VPS8: variants seen among roughly 807,000 people sequenced by gnomAD.
The protein encoded by VPS8 is VPS8 subunit of CORVET complex, also known as vacuolar protein sorting-associated protein 8 homolog.
Under a neutral mutation model 216.4 loss-of-function variants are expected in VPS8, and 129 were observed. The observed-to-expected ratio is 0.60, with a 90% CI of 0.52 to 0.69. The LOEUF (loss-of-function observed/expected upper bound fraction) is 0.69. Ranked by LOEUF, VPS8 falls within the 30% of genes least tolerant of loss-of-function variation. The probability of loss-of-function intolerance (pLI) is 0.00; values close to 1 mark genes in which losing one functional copy is unlikely to be tolerated. For synonymous variants in VPS8, 571 were observed against 565.4 expected (o/e 1.01, Z -0.14); for missense variants, 1,531 against 1,683.5 (o/e 0.91, Z 1.59).
At chr3:184,896,317 A>G (rs939262724) in intron 23 of VPS8, among the ~76,000 whole-genome samples, 5 of 152,148 alleles carry the variant, frequency 3.3e-5, no homozygotes, top group Admixed American at 6.5e-5. Flanking sequence ...ATAATACTTT[A>G]TAACATTTTC....
chr3:184,900,810 G>T, intron 24 of VPS8, 111 bp from the exon 25 acceptor site: 1 of 891,734 alleles, frequency 1.1e-6, no homozygotes, highest in South Asian at 1.8e-5. Context: ...TAATCTTAAT[G>T]GTAAATGACT....
chr3:184,983,636 C>T (rs1238974918), intron 42 of VPS8, among the ~76,000 whole-genome samples: 3 of 152,068 alleles, frequency 2.0e-5, no homozygotes, highest in African/African-American at 7.2e-5. Context: ...TCGGCTTCAT[C>T]AAAAGAGAAC....
chr3:185,020,792 G>A (rs986509433), intron 45 of VPS8, among the ~76,000 whole-genome samples: 1 of 152,166 alleles, frequency 6.6e-6, no homozygotes, highest in Non-Finnish European at 1.5e-5. Context: ...AACAACAAAA[G>A]CCAGCTGTGG....
intron 37 of VPS8, among the ~76,000 whole-genome samples, chr3:184,962,882 T>C (rs938418708): frequency 2.0e-5 from 3 of 152,056 alleles, no homozygotes; most frequent in African/African-American, 7.2e-5. Context: ...TTTTGCAAGC[T>C]GATCAAAAGA....
chr3:184,998,946 A>C (rs1008629909), intron 44 of VPS8, among the ~76,000 whole-genome samples: 8 of 151,986 alleles, frequency 5.3e-5, no homozygotes, highest in African/African-American at 1.9e-4. Flanking sequence ...CAGTGGAGCA[A>C]TCTCAGCTCA....
intron 36 of VPS8, among the ~76,000 whole-genome samples, chr3:184,945,616 C>A (rs574678999): frequency 6.6e-6 from 1 of 152,254 alleles, no homozygotes; most frequent in East Asian, 1.9e-4. Flanking sequence ...CTTGTCTTTA[C>A]CCCTACTGCC....
chr3:184,951,709 G>A (rs943227655), intron 36 of VPS8, among the ~76,000 whole-genome samples: 3 of 152,176 alleles, frequency 2.0e-5, no homozygotes, highest in African/African-American at 7.2e-5. Context: ...AAAGCAGTGG[G>A]TGTATTGCAA....
intron 44 of VPS8, among the ~76,000 whole-genome samples, chr3:184,997,804 A>G (rs531611654): frequency 2.0e-5 from 3 of 152,364 alleles, no homozygotes; most frequent in Middle Eastern, 3.4e-3. Flanking sequence ...CAACTTAAAA[A>G]TTAATTAATA....
intron 37 of VPS8, among the ~76,000 whole-genome samples, chr3:184,959,520 G>A (rs1746139898): frequency 6.6e-6 from 1 of 152,046 alleles, no homozygotes; most frequent in South Asian, 2.1e-4. Flanking sequence ...GCTATGAATA[G>A]CCACCGCCCC....
chr3:185,017,178 C>A (rs1577172458), intron 45 of VPS8, among the ~76,000 whole-genome samples: 1 of 152,064 alleles, frequency 6.6e-6, no homozygotes, highest in South Asian at 2.1e-4. Context: ...CCAGGTTGTC[C>A]ATCGGGCCCT....
chr3:184,924,159 T>C (rs1007782266), intron 29 of VPS8, among the ~76,000 whole-genome samples: 1 of 152,200 alleles, frequency 6.6e-6, no homozygotes, highest in Non-Finnish European at 1.5e-5. Flanking sequence ...AGGAACTGCT[T>C]AATAGAAAGC....
intron 30 of VPS8, 78 bp downstream of exon 30, chr3:184,925,059 A>T (rs1389894032): frequency 2.0e-6 from 3 of 1,506,500 alleles, no homozygotes; most frequent in Non-Finnish European, 1.8e-6. Context: ...CTGTTTCCTG[A>T]TGTGACAGAC....
At chr3:184,963,636 G>A (rs1457443260) in intron 37 of VPS8, among the ~76,000 whole-genome samples, 3 of 151,986 alleles carry the variant, frequency 2.0e-5, no homozygotes, top group African/African-American at 4.8e-5. Context: ...CTTATTGGAT[G>A]TCTAGGATCT....
intron 8 of VPS8, among the ~76,000 whole-genome samples, chr3:184,845,764 A>AC (rs1162938869): frequency 2.6e-5 from 4 of 152,040 alleles, no homozygotes; most frequent in Non-Finnish European, 5.9e-5. Context: ...TCAAAAAAAA[A>AC]AAAAAAAAAA....
intron 45 of VPS8, among the ~76,000 whole-genome samples, chr3:185,017,483 C>T (rs927316642): frequency 2.6e-5 from 4 of 152,166 alleles, no homozygotes; most frequent in Non-Finnish European, 5.9e-5. Flanking sequence ...CCACATACGG[C>T]ACAATCAGGA....
At chr3:184,883,947 C>A (rs934922820) in intron 21 of VPS8, among the ~76,000 whole-genome samples, 1 of 152,042 alleles carries the variant, frequency 6.6e-6, no homozygotes, top group Non-Finnish European at 1.5e-5. Flanking sequence ...GAAGTGTTTT[C>A]AAATTTTTTA....
chr3:185,036,599 G>A (rs1400526031), intron 46 of VPS8, among the ~76,000 whole-genome samples: 1 of 150,546 alleles, frequency 6.6e-6, no homozygotes, highest in East Asian at 1.9e-4. Flanking sequence ...TTTTAGTGGT[G>A]GCCTAGGATT....
intron 7 of VPS8, 145 bp from the exon 8 acceptor site, chr3:184,843,093 CTT>C: frequency 2.1e-6 from 1 of 481,078 alleles, no homozygotes; most frequent in Non-Finnish European, 3.5e-6. Flanking sequence ...AGAGGCATCA[CTT>C]AATCAAATTT....
intron 28 of VPS8, among the ~76,000 whole-genome samples, chr3:184,918,779 A>G (rs1297952990): frequency 6.6e-6 from 1 of 152,210 alleles, no homozygotes; most frequent in Non-Finnish European, 1.5e-5. Flanking sequence ...CCTGCAGAGT[A>G]TCATCTCACT....
Sources: allele counts gnomAD v4.1 joint callset (sites outside exome capture counted in the v4.1 genomes callset), GRCh38; gene constraint gnomAD v4.1.1; transcripts MANE v1.5; gene names NCBI Gene and HGNC (gene_info 2026-07-23, HGNC 2026-07-21).